RGS21: variants seen among roughly 807,000 people sequenced by gnomAD.
RGS21 encodes the protein regulator of G-protein signalling 21.
Under a neutral mutation model 18.7 loss-of-function variants are expected in RGS21, and 19 were observed. That is an observed-to-expected ratio of 1.01 (90% CI 0.71 to 1.49). The LOEUF (loss-of-function observed/expected upper bound fraction) is 1.49. RGS21 is among the 40% of genes most tolerant of loss of function. RGS21 has a pLI of 0.00. For synonymous variants in RGS21, 56 were observed against 57.8 expected (o/e 0.97, Z 0.14); for missense variants, 194 against 176.8 (o/e 1.10, Z -0.55).
chr1:192,331,095 A>G (rs1485650198), intron 1 of RGS21, among the ~76,000 whole-genome samples: 1 of 152,226 alleles, frequency 6.6e-6, no homozygotes, highest in Non-Finnish European at 1.5e-5. Context: ...ACTTTAAGAA[A>G]GACTATAATG....
At chr1:192,357,355 A>G (rs928927365) in intron 4 of RGS21, among the ~76,000 whole-genome samples, 21 of 151,828 alleles carry the variant, frequency 1.4e-4, no homozygotes, top group African/African-American at 3.1e-4. Context: ...CTGGATCCCA[A>G]TGATTTCCAC....
At chr1:192,338,659 G>A (rs1006646043) in intron 1 of RGS21, among the ~76,000 whole-genome samples, 22 of 152,072 alleles carry the variant, frequency 1.4e-4, no homozygotes, top group Non-Finnish European at 2.8e-4. Flanking sequence ...AAAAGTCTGT[G>A]AACAGTGTTT....
intron 4 of RGS21, among the ~76,000 whole-genome samples, chr1:192,355,491 T>A (rs1659097689): frequency 6.6e-6 from 1 of 151,436 alleles, no homozygotes; most frequent in Admixed American, 6.6e-5. Context: ...AAACAGTTGC[T>A]CATTGAGTAA....
Position 192,365,955 on chromosome 1 carries a change from C to T in RGS21, c.290C>T (p.Ser97Leu). The T allele has an allele frequency of 1.2e-6, 2 of 1,609,842 alleles. No homozygotes were observed. Among genetic ancestry groups the T allele is most frequent in the Non-Finnish European group, 1.7e-6 (2 of 1,177,034 alleles). Residue 97 changes from serine (S) to leucine (L), a missense_variant, in exon 5 of 5, where the codon TCA becomes TTA. Coordinates refer to ENST00000417209, the MANE Select transcript of RGS21 (RefSeq NM_001039152.3). ...NIDFGTRDLI[S>L]KNIAEPTLKC... Reference sequence around the variant, plus strand: ...GACTTCGGTACCAGAGACCTCATCTCAAAGAATATTGCTGAACCAACACTC... The same window carrying T: ...GACTTCGGTACCAGAGACCTCATCTTAAAGAATATTGCTGAACCAACACTC...
At chr1:192,345,545 A>G (rs929888153) in intron 2 of RGS21, among the ~76,000 whole-genome samples, 4 of 152,100 alleles carry the variant, frequency 2.6e-5, no homozygotes, top group Non-Finnish European at 5.9e-5. Flanking sequence ...GTGCTAGAAA[A>G]TAACATTTAG....
Position 192,352,080 on chromosome 1 carries a change from C to A in RGS21, c.122C>A (p.Ser41Ter), listed in dbSNP as rs1425712934. 6.3e-7 allele frequency: 1 copy of A among 1,599,260 alleles called. No homozygotes were observed. Among genetic ancestry groups the A allele is most frequent in the Non-Finnish European group, 8.5e-7 (1 of 1,174,762 alleles). The change falls in exon 4 of 5, where the codon TCA becomes TAA. Residue 41 changes from serine (S) to a stop codon, truncating the protein, a stop_gained. Transcript: ENST00000417209. LOFTEE classifies it high-confidence loss of function. ...GLDAFRIFLK[S>*]EFSEENVEFW... is the part of the protein sequence containing the mutation. Reference sequence around the variant, plus strand: ...GATGCTTTTCGAATATTTCTAAAATCAGAGTTTAGTGAAGAAAATGTTGAG... The same window carrying A: ...GATGCTTTTCGAATATTTCTAAAATAAGAGTTTAGTGAAGAAAATGTTGAG...
At chr1:192,348,092 C>T (rs961626718) in intron 3 of RGS21, among the ~76,000 whole-genome samples, 3 of 149,298 alleles carry the variant, frequency 2.0e-5, no homozygotes, top group Non-Finnish European at 4.4e-5. Context: ...GTGGTGTGAT[C>T]TCTGCTCACT....
At chr1:192,329,335 AT>A (rs1658613011) in intron 1 of RGS21, among the ~76,000 whole-genome samples, 1 of 152,008 alleles carries the variant, frequency 6.6e-6, no homozygotes, top group Non-Finnish European at 1.5e-5. Context: ...ACTTCATTTC[AT>A]TGTTAATTTT....
intron 4 of RGS21, among the ~76,000 whole-genome samples, chr1:192,360,572 A>AG (rs1331013154): frequency 6.6e-6 from 1 of 152,110 alleles, no homozygotes; most frequent in Admixed American, 6.6e-5. Context: ...ACCCACAGCC[A>AG]GCTATTACAC....
intron 1 of RGS21, among the ~76,000 whole-genome samples, chr1:192,324,548 C>T (rs1423698726): frequency 6.6e-6 from 1 of 151,864 alleles, no homozygotes; most frequent in Non-Finnish European, 1.5e-5. Context: ...GATTATGTTG[C>T]ACTTGGAAAT....
Position 192,321,513 on chromosome 1 carries a change from T to C in RGS21, c.-61+4408T>C, listed in dbSNP as rs141025799. Among the ~76,000 whole-genome samples the C allele has an allele frequency of 3.9e-5, 6 of 152,094 alleles. No individual in the cohort carries two copies. In the East Asian group the frequency reaches 1.2e-3, roughly 29 times the overall value. On this transcript the variant is annotated intron_variant, in intron 1 of 4. Coordinates refer to ENST00000417209, the MANE Select transcript of RGS21 (RefSeq NM_001039152.3). ...CTCTAATATAAAATCATCCTGATCC[T>C]TGCTGTTTTCTGATTATAACTTTAG...
At chr1:192,363,980 CA>C (rs746471090) in intron 4 of RGS21, among the ~76,000 whole-genome samples, 10 of 152,090 alleles carry the variant, frequency 6.6e-5, no homozygotes, top group Non-Finnish European at 1.2e-4. Flanking sequence ...AACAGACACT[CA>C]AAATTTTTTG....
chr1:192,365,740 T>C (rs1368136658), intron 4 of RGS21, among the ~76,000 whole-genome samples, 181 bp from the exon 5 acceptor site: 1 of 152,084 alleles, frequency 6.6e-6, no homozygotes, highest in Non-Finnish European at 1.5e-5. Flanking sequence ...CTCTCAAGCA[T>C]GGAAGAAAAA....
At chr1:192,338,420 T>A (rs963018528) in intron 1 of RGS21, among the ~76,000 whole-genome samples, 3 of 152,110 alleles carry the variant, frequency 2.0e-5, no homozygotes, top group Admixed American at 2.0e-4. Flanking sequence ...AAAAAATAAT[T>A]AATCTTTCCT....
chr1:192,341,807 A>G (rs913600081), intron 1 of RGS21, among the ~76,000 whole-genome samples: 6 of 149,030 alleles, frequency 4.0e-5, no homozygotes, highest in African/African-American at 1.5e-4. Context: ...AAATTTTGAC[A>G]GTGTATTTTC....
chr1:192,321,926 AAC>A, intron 1 of RGS21, among the ~76,000 whole-genome samples: 1 of 152,208 alleles, frequency 6.6e-6, no homozygotes, highest in East Asian at 1.9e-4. Context: ...AATTTTCCCC[AAC>A]ACACACACAG....
chr1:192,360,890 T>C (rs142874298), intron 4 of RGS21, among the ~76,000 whole-genome samples: 72 of 152,236 alleles, frequency 4.7e-4, no homozygotes, highest in African/African-American at 1.6e-3. Flanking sequence ...TTTTTTTCTT[T>C]TGGGTTACTT....
intron 1 of RGS21, among the ~76,000 whole-genome samples, chr1:192,337,007 TTTAA>T (rs1380311761): frequency 6.6e-6 from 1 of 152,138 alleles, no homozygotes; most frequent in Non-Finnish European, 1.5e-5. Flanking sequence ...TTAAATAAAC[TTTAA>T]TTTATATCAT....
chr1:192,365,345 C>T (rs1385925030), intron 4 of RGS21, among the ~76,000 whole-genome samples: 1 of 151,862 alleles, frequency 6.6e-6, no homozygotes, highest in East Asian at 1.9e-4. Context: ...GCTGGAAATG[C>T]CTATATGTGG....
Sources: gnomAD v4.1 joint callset for allele counts (sites outside exome capture counted in the v4.1 genomes callset) on GRCh38, gnomAD v4.1.1 for gene constraint, MANE v1.5 for transcripts, NCBI Gene and HGNC (gene_info 2026-07-23, HGNC 2026-07-21) for gene names.